Variants in MYRIP observed in about 807,000 individuals in gnomAD.
MYRIP encodes the protein myosin VIIA and Rab interacting protein, also known as rab effector MyRIP.
A neutral mutation model predicts 98.0 loss-of-function variants in MYRIP; 49 were observed. That is an observed-to-expected ratio of 0.50 (90% CI 0.40 to 0.63). The LOEUF is 0.63. MYRIP is among the 30% of genes least tolerant of loss of function. The pLI is 0.00. For missense variants in MYRIP, 1,004 were observed against 1,058.2 expected, an observed-to-expected ratio of 0.95 and a Z score of 0.71; for synonymous variants, 404 against 409.5, an observed-to-expected ratio of 0.99 and a Z score of 0.16.
intron 3 of MYRIP, among the ~76,000 whole-genome samples, chr3:40,083,045 T>G (rs1347388715): frequency 6.6e-6 from 1 of 152,216 alleles, no homozygotes; most frequent in African/African-American, 2.4e-5. Context: ...CAAAATCTCT[T>G]GCTAGCTCAT....
intron 3 of MYRIP, 84 bp downstream of exon 3, chr3:40,044,355 C>T: frequency 7.4e-7 from 1 of 1,342,344 alleles, no homozygotes. Context: ...GTAGAACCAG[C>T]TATGATTGGT....
chr3:40,095,019 C>T (rs1223992372), intron 3 of MYRIP, among the ~76,000 whole-genome samples: 5 of 152,156 alleles, frequency 3.3e-5, no homozygotes, highest in Admixed American at 3.3e-4. Context: ...GTCTCCTCCT[C>T]ACCTAATTGC....
At chr3:40,222,831 C>G (rs1201025914) in intron 11 of MYRIP, among the ~76,000 whole-genome samples, 1 of 152,116 alleles carries the variant, frequency 6.6e-6, no homozygotes, top group Non-Finnish European at 1.5e-5. Context: ...AATAAAAAAT[C>G]CGTTTTATTC....
intron 7 of MYRIP, among the ~76,000 whole-genome samples, chr3:40,168,832 C>T (rs948021134): frequency 3.3e-5 from 5 of 152,188 alleles, no homozygotes; most frequent in Non-Finnish European, 5.9e-5. Context: ...AGGGCTGGGA[C>T]GTAGATTCTC....
chr3:39,828,681 T>G (rs901251953), intron 1 of MYRIP, among the ~76,000 whole-genome samples: 2 of 152,184 alleles, frequency 1.3e-5, no homozygotes, highest in Non-Finnish European at 2.9e-5. Context: ...TTCTTATGCC[T>G]TTGCATCCTC....
At chr3:40,250,554 T>C in intron 15 of MYRIP, 55 bp downstream of exon 15, 2 of 1,588,368 alleles carry the variant, frequency 1.3e-6, no homozygotes, top group Non-Finnish European at 1.7e-6. Context: ...AATCATTTAC[T>C]TTGGGTAACA....
At chr3:40,000,259 C>T (rs1443480847) in intron 2 of MYRIP, among the ~76,000 whole-genome samples, 1 of 151,926 alleles carries the variant, frequency 6.6e-6, no homozygotes, top group East Asian at 1.9e-4. Flanking sequence ...AATGTATATA[C>T]CTTGATTATG....
chr3:40,098,898 T>C (rs1016360569), intron 3 of MYRIP, among the ~76,000 whole-genome samples: 2 of 151,722 alleles, frequency 1.3e-5, no homozygotes, highest in South Asian at 4.2e-4. Context: ...ATTAAGAGGG[T>C]GTGTGGGTGT....
chr3:40,063,383 T>C (rs1948059885), intron 3 of MYRIP, among the ~76,000 whole-genome samples: 2 of 152,208 alleles, frequency 1.3e-5, no homozygotes, highest in South Asian at 4.1e-4. Context: ...AGAGTGTCCT[T>C]GTTCTTGGAA....
intron 10 of MYRIP, among the ~76,000 whole-genome samples, chr3:40,197,834 C>T (rs1004982336): frequency 4.6e-5 from 7 of 152,156 alleles, no homozygotes; most frequent in Admixed American, 2.0e-4. Flanking sequence ...TTAACTTTTC[C>T]TGTTAGCAGT....
chr3:39,939,317 C>G (rs767312292), intron 2 of MYRIP, among the ~76,000 whole-genome samples: 5 of 152,152 alleles, frequency 3.3e-5, no homozygotes, highest in African/African-American at 1.2e-4. Context: ...AGCAGGAAAA[C>G]AGCCAGAGAG....
At chr3:39,912,983 T>G (rs2125682394) in intron 2 of MYRIP, among the ~76,000 whole-genome samples, 1 of 152,276 alleles carries the variant, frequency 6.6e-6, no homozygotes, top group Admixed American at 6.5e-5. Flanking sequence ...GAGGTTGCAG[T>G]AAGCTGAGAT....
At chr3:39,810,953 T>C (rs796812186) in intron 1 of MYRIP, among the ~76,000 whole-genome samples, 43 of 152,310 alleles carry the variant, frequency 2.8e-4, no homozygotes, top group African/African-American at 1.0e-3. Flanking sequence ...TCCCCGACCA[T>C]GATCTCGATT....
intron 1 of MYRIP, among the ~76,000 whole-genome samples, chr3:39,813,831 G>A (rs1004223150): frequency 3.3e-5 from 5 of 152,338 alleles, no homozygotes; most frequent in South Asian, 2.1e-4. Context: ...GGGACTCAGC[G>A]TGCCTACTAG....
intron 2 of MYRIP, among the ~76,000 whole-genome samples, chr3:39,966,715 G>T (rs1485235091): frequency 6.6e-6 from 1 of 152,214 alleles, no homozygotes; most frequent in Non-Finnish European, 1.5e-5. Flanking sequence ...AGGTGCCGTG[G>T]CCTTTGCCGA....
intron 2 of MYRIP, among the ~76,000 whole-genome samples, chr3:39,957,247 A>G (rs1175412020): frequency 1.3e-5 from 2 of 151,820 alleles, no homozygotes; most frequent in Non-Finnish European, 2.9e-5. Flanking sequence ...TTAGACCAAT[A>G]TCCCTGATGA....
intron 2 of MYRIP, among the ~76,000 whole-genome samples, chr3:39,937,013 A>G (rs992325489): frequency 6.6e-6 from 1 of 152,186 alleles, no homozygotes; most frequent in Admixed American, 6.6e-5. Context: ...ACTGATCCAA[A>G]GTCACCCAGC....
At chr3:40,086,209 T>G (rs529919948) in intron 3 of MYRIP, among the ~76,000 whole-genome samples, 2 of 152,190 alleles carry the variant, frequency 1.3e-5, no homozygotes, top group Non-Finnish European at 1.5e-5. Flanking sequence ...TTTGGAAAGT[T>G]CTGCATCTTC....
At chr3:40,099,467 T>C (rs1948898918) in intron 3 of MYRIP, among the ~76,000 whole-genome samples, 1 of 152,244 alleles carries the variant, frequency 6.6e-6, no homozygotes, top group East Asian at 1.9e-4. Context: ...CTGAGGTTCA[T>C]AGAAGCAAAA....
Sources: allele counts gnomAD v4.1 joint callset (sites outside exome capture counted in the v4.1 genomes callset), GRCh38; gene constraint gnomAD v4.1.1; transcripts MANE v1.5; gene names NCBI Gene and HGNC (gene_info 2026-07-23, HGNC 2026-07-21).